Variants in OXR1 observed in about 807,000 individuals in gnomAD.
OXR1 encodes oxidation resistance protein 1.
In OXR1, 41 loss-of-function variants were observed where a neutral mutation model predicts 104.6. The observed-to-expected ratio is 0.39, with a 90% CI of 0.31 to 0.51. OXR1 has a LOEUF of 0.51. Ranked by LOEUF, OXR1 falls within the 20% of genes least tolerant of loss-of-function variation. OXR1 has a pLI of 0.77. For missense variants in OXR1, 955 were observed against 1,031.9 expected (o/e 0.93, Z 1.02); for synonymous variants, 348 against 348.4 (o/e 1.00, Z 0.01).
intron 3 of OXR1, among the ~76,000 whole-genome samples, chr8:106,623,028 C>A (rs1276067937): frequency 6.6e-6 from 1 of 152,122 alleles, no homozygotes; most frequent in Non-Finnish European, 1.5e-5. Flanking sequence ...CAAAGTCAAA[C>A]AAGCTAAGCA....
At chr8:106,432,258 C>T (rs1819391621) in intron 2 of OXR1, among the ~76,000 whole-genome samples, 1 of 152,152 alleles carries the variant, frequency 6.6e-6, no homozygotes, top group South Asian at 2.1e-4. Flanking sequence ...CCAGATTGAT[C>T]CTTCAAAAAC....
At chr8:106,746,930 A>G (rs983981728) in intron 16 of OXR1, among the ~76,000 whole-genome samples, 6 of 152,178 alleles carry the variant, frequency 3.9e-5, no homozygotes, top group African/African-American at 1.4e-4. Flanking sequence ...AATGTCATAC[A>G]CAATGCCATT....
intron 1 of OXR1, among the ~76,000 whole-genome samples, chr8:106,310,936 G>T (rs1234907689): frequency 1.3e-5 from 2 of 151,972 alleles, no homozygotes; most frequent in Admixed American, 1.3e-4. Context: ...AATACTTAGT[G>T]AATCCTTTCT....
chr8:106,505,544 G>T (rs967529899), intron 2 of OXR1, among the ~76,000 whole-genome samples: 3 of 152,192 alleles, frequency 2.0e-5, no homozygotes. Flanking sequence ...GCAGAATGCA[G>T]TGCTAAAGAG....
intron 2 of OXR1, among the ~76,000 whole-genome samples, chr8:106,375,390 T>A (rs1435440261): frequency 6.6e-6 from 1 of 152,216 alleles, no homozygotes; most frequent in Non-Finnish European, 1.5e-5. Flanking sequence ...TCTCATGAAA[T>A]AAGAAAGTAA....
intron 11 of OXR1, among the ~76,000 whole-genome samples, chr8:106,730,812 C>T (rs570572884): frequency 7.3e-5 from 11 of 151,426 alleles, no homozygotes; most frequent in Non-Finnish European, 1.2e-4. Context: ...CCTGTAATAT[C>T]AACACTTTAG....
chr8:106,468,976 T>A (rs1227805745), intron 2 of OXR1, among the ~76,000 whole-genome samples: 1 of 150,924 alleles, frequency 6.6e-6, no homozygotes, highest in Non-Finnish European at 1.5e-5. Flanking sequence ...TACTTACTCA[T>A]CCTGAAGTGT....
chr8:106,405,170 A>G (rs879267477), intron 2 of OXR1, among the ~76,000 whole-genome samples: 10,833 of 45,102 alleles, frequency 0.24, 1,182 homozygotes, highest in East Asian at 0.39. Flanking sequence ...ATATATATAT[A>G]TATATATATA....
chr8:106,610,423 G>A (rs1337695399), intron 3 of OXR1, among the ~76,000 whole-genome samples: 2 of 152,160 alleles, frequency 1.3e-5, no homozygotes, highest in Non-Finnish European at 2.9e-5. Flanking sequence ...TTCATGCTCT[G>A]CTTAAAAGCT....
At chr8:106,483,526 G>A (rs2510824) in intron 2 of OXR1, among the ~76,000 whole-genome samples, 16,373 of 151,632 alleles carry the variant, frequency 0.11, 956 homozygotes, top group African/African-American at 0.15. Flanking sequence ...TCATCTCAAA[G>A]CAAACAAAAA....
rs1219794739 is a variant in OXR1 at position 106,684,136 on chromosome 8, TTA to T, written c.412-108_412-107del. The T allele has an allele frequency of 1.6e-5, 10 of 614,948 alleles. No individual in the cohort carries two copies. In the East Asian group the frequency reaches 1.8e-4, roughly 11 times the overall value. The allele number at this position is 614,948 out of a possible 1,614,324, so 38.1% of individuals were successfully genotyped here. A position where few individuals can be genotyped will look rare whatever the true frequency, so the allele number is the denominator to read the frequency against. On this transcript the variant is annotated intron_variant, in intron 5 of 16. Transcript: ENST00000517566. ...TTATATTCTTATAATTTGAAAATTT[TTA>T]TGTTTTTCTGTTTAATTGGTAATTG...
intron 3 of OXR1, among the ~76,000 whole-genome samples, chr8:106,634,460 A>G (rs559660482): frequency 3.3e-5 from 5 of 152,352 alleles, no homozygotes; most frequent in African/African-American, 9.6e-5. Context: ...GTACTATTAT[A>G]CCCATTTTAC....
chr8:106,365,602 A>G (rs1005987405), intron 2 of OXR1, among the ~76,000 whole-genome samples: 12 of 152,162 alleles, frequency 7.9e-5, no homozygotes, highest in African/African-American at 2.9e-4. Flanking sequence ...GCCTTTTCAA[A>G]TTGAAAGTCT....
chr8:106,282,695 C>G (rs1413480269), intron 1 of OXR1, among the ~76,000 whole-genome samples: 2 of 152,072 alleles, frequency 1.3e-5, no homozygotes, highest in Non-Finnish European at 2.9e-5. Flanking sequence ...AGGTCTTTAT[C>G]CTTATCCTCT....
Position 106,458,699 on chromosome 8 carries a change from G to A in OXR1, c.24-60244G>A, listed in dbSNP as rs536579204. On this transcript the variant is annotated intron_variant, in intron 2 of 16. Transcript: ENST00000517566. ...GACTGAGCCCAGCAGTCCCACAGGG[G>A]TGGGACTGCCTGAGGCCTTAGGAGC... is the stretch of plus-strand genomic sequence containing the variant. Among the ~76,000 whole-genome samples, 3 of 152,200 alleles carry A rather than the reference G, an allele frequency of 2.0e-5. 1 individual carries two copies. The highest frequency in any genetic ancestry group is 2.0e-4 in the Admixed American group (3 of 15,298).
At chr8:106,331,288 G>C (rs1242634277) in intron 1 of OXR1, among the ~76,000 whole-genome samples, 1 of 152,064 alleles carries the variant, frequency 6.6e-6, no homozygotes, top group African/African-American at 2.4e-5. Flanking sequence ...TTAACTTTAT[G>C]CAAATTTGAT....
chr8:106,491,767 C>G (rs1255118517), intron 2 of OXR1, among the ~76,000 whole-genome samples: 1 of 152,160 alleles, frequency 6.6e-6, no homozygotes, highest in Non-Finnish European at 1.5e-5. Context: ...TCATGTGCTT[C>G]ATTTCTTTCC....
chr8:106,421,830 A>G (rs1271026156), intron 2 of OXR1, among the ~76,000 whole-genome samples: 2 of 68,162 alleles, frequency 2.9e-5, no homozygotes, highest in African/African-American at 9.1e-5. Flanking sequence ...TAATGCCATC[A>G]ATCTACAGCA....
intron 3 of OXR1, among the ~76,000 whole-genome samples, chr8:106,594,906 A>G (rs1260408047): frequency 6.6e-6 from 1 of 151,706 alleles, no homozygotes; most frequent in Non-Finnish European, 1.5e-5. Context: ...ACTGGAAAGT[A>G]TCAGAGTGAT....
Sources: allele counts gnomAD v4.1 joint callset (sites outside exome capture counted in the v4.1 genomes callset), GRCh38; gene constraint gnomAD v4.1.1; transcripts MANE v1.5; gene names NCBI Gene and HGNC (gene_info 2026-07-23, HGNC 2026-07-21).